PPA2: variants seen among roughly 807,000 people sequenced by gnomAD.
PPA2 encodes the protein inorganic pyrophosphatase 2.
In PPA2, 48 loss-of-function variants were observed where a neutral mutation model predicts 49.5. That is an observed-to-expected ratio of 0.97 (90% CI 0.77 to 1.23). The LOEUF (loss-of-function observed/expected upper bound fraction) is 1.23. Among genes scored for constraint, PPA2 ranks in the 50% most tolerant of loss-of-function variants. The pLI, the probability that PPA2 is intolerant of heterozygous loss-of-function variation, is 0.00. For synonymous variants in PPA2, 131 were observed against 139.9 expected, an observed-to-expected ratio of 0.94 and a Z score of 0.45; for missense variants, 429 against 410.1, an observed-to-expected ratio of 1.05 and a Z score of -0.40.
At chr4:105,379,014 A>T (rs1317833878) in intron 10 of PPA2, among the ~76,000 whole-genome samples, 1 of 152,096 alleles carries the variant, frequency 6.6e-6, no homozygotes, top group African/African-American at 2.4e-5. Flanking sequence ...TCAGCTTGTT[A>T]ATTTCTACAA....
intron 7 of PPA2, among the ~76,000 whole-genome samples, chr4:105,411,765 C>CA (rs1307989737): frequency 2.6e-5 from 4 of 152,152 alleles, no homozygotes; most frequent in Middle Eastern, 3.2e-3. Context: ...AATCAATGTG[C>CA]AAAAATCATG....
At chr4:105,471,608 A>G (rs1723526325) in intron 1 of PPA2, among the ~76,000 whole-genome samples, 1 of 152,208 alleles carries the variant, frequency 6.6e-6, no homozygotes, top group South Asian at 2.1e-4. Context: ...CTAGTACTGC[A>G]TACAGACACA....
Position 105,447,538 on chromosome 4 carries a change from C to CA in PPA2, c.322-1037dup, listed in dbSNP as rs536110705. On this transcript the variant is annotated intron_variant, in intron 4 of 11. Transcript: ENST00000341695. ...GAGTAAATTTCAAATGTTCTCACCACAAAAAATGGTAAGTATTTGATGTGA... is the reference window on the plus strand; with the variant it reads ...GAGTAAATTTCAAATGTTCTCACCACAAAAAAATGGTAAGTATTTGATGTGA... Among the ~76,000 whole-genome samples the CA allele has an allele frequency of 2.6e-4, 39 of 152,024 alleles. 1 individual carries two copies. The South Asian group carries it at 7.1e-3, about 27-fold the overall frequency.
intron 4 of PPA2, among the ~76,000 whole-genome samples, chr4:105,447,492 C>G (rs147753329): frequency 1.3e-5 from 2 of 152,104 alleles, no homozygotes; most frequent in African/African-American, 4.8e-5. Flanking sequence ...TAGTTAATAA[C>G]GTACATTTCA....
chr4:105,399,048 A>T lies in PPA2; in HGVS notation c.772T>A (p.Phe258Ile). The change falls in exon 8 of 12, where the codon TTC (phenylalanine) becomes ATC (isoleucine). Residue 258 changes from phenylalanine to isoleucine, a missense_variant. Phe to Ile is a conservative substitution (Grantham distance 21). Transcript: ENST00000341695. The part of the protein sequence containing the change: ...PENQFAFNGE[F>I]KNKAFALEVI... Reference sequence around the variant, plus strand: ...ATTCTCATCTTCACCTTGTTTTTGAATTCTCCATTAAAAGCAAACTGGTTT... The same window carrying T: ...ATTCTCATCTTCACCTTGTTTTTGATTTCTCCATTAAAAGCAAACTGGTTT... 6.2e-7 allele frequency: 1 copy of T among 1,608,644 alleles called. No individual in the cohort carries two copies. Among genetic ancestry groups the T allele is most frequent in the Admixed American group, 1.7e-5 (1 of 59,056 alleles).
intron 1 of PPA2, among the ~76,000 whole-genome samples, chr4:105,457,217 C>T (rs1002305634): frequency 1.3e-5 from 2 of 152,092 alleles, no homozygotes; most frequent in Non-Finnish European, 2.9e-5. Flanking sequence ...ATATTGTTTC[C>T]ATTCAATGTG....
At chr4:105,424,359 T>C (rs1723392784) in intron 6 of PPA2, 37 bp from the exon 7 acceptor site, 3 of 1,543,820 alleles carry the variant, frequency 1.9e-6, no homozygotes, top group Admixed American at 4.4e-5. Context: ...TTGCAAGGCT[T>C]TGGAGAGTTT....
chr4:105,431,664 T>C (rs1723805808), intron 6 of PPA2, among the ~76,000 whole-genome samples: 1 of 152,142 alleles, frequency 6.6e-6, no homozygotes, highest in African/African-American at 2.4e-5. Flanking sequence ...AATAGCCAAG[T>C]GGTAGAAACA....
intron 10 of PPA2, among the ~76,000 whole-genome samples, chr4:105,382,828 C>G (rs7678439): frequency 0.12 from 18,484 of 151,824 alleles, 1,179 homozygotes; most frequent in African/African-American, 0.15. Flanking sequence ...GCAAAACTCC[C>G]ACTCTACCAA....
In PPA2 at chr4:105,446,640, G is replaced by C. The variant is rs11097890; in HGVS notation, c.322-138C>G. The stretch of plus-strand genomic sequence containing the variant: ...CTTAATGATCAAAGATGCTTTAAAA[G>C]AAATTAAGCCAGCTCTTATTACTAA... On this transcript the variant is annotated intron_variant, in intron 4 of 11. Coordinates refer to ENST00000341695, the MANE Select transcript of PPA2 (RefSeq NM_176869.3). The C allele has an allele frequency of 4.6e-6, 5 of 1,087,068 alleles. No individual in the cohort carries two copies. In the East Asian group the frequency reaches 1.4e-4, roughly 30 times the overall value. 67.3% of individuals were successfully genotyped at this position (1,087,068 alleles called of 1,614,324 possible).
intron 7 of PPA2, among the ~76,000 whole-genome samples, chr4:105,401,501 AC>A (rs1362097355): frequency 6.6e-6 from 1 of 152,184 alleles, no homozygotes; most frequent in Non-Finnish European, 1.5e-5. Flanking sequence ...TAATTCAGTG[AC>A]ATTAAGTATG....
chr4:105,433,350 G>T (rs892652553), intron 6 of PPA2, among the ~76,000 whole-genome samples: 1 of 152,046 alleles, frequency 6.6e-6, no homozygotes, highest in African/African-American at 2.4e-5. Context: ...TTTCTTAATA[G>T]AAAGAGAAGT....
chr4:105,428,680 G>A (rs1046134876), intron 6 of PPA2, among the ~76,000 whole-genome samples: 4 of 150,914 alleles, frequency 2.7e-5, no homozygotes, highest in East Asian at 1.9e-4. Context: ...GGGGTGGGGG[G>A]CTAGGGGAGG....
intron 7 of PPA2, among the ~76,000 whole-genome samples, chr4:105,414,333 G>T (rs2726471): frequency 0.33 from 49,886 of 152,132 alleles, 8,892 homozygotes; most frequent in East Asian, 0.67. Flanking sequence ...TTTTCCAGCT[G>T]GAAACCTCTG....
At chr4:105,404,257 T>G (rs1353489305) in intron 7 of PPA2, among the ~76,000 whole-genome samples, 2 of 151,870 alleles carry the variant, frequency 1.3e-5, no homozygotes, top group African/African-American at 4.8e-5. Context: ...TACAATATAA[T>G]AAATTTAAAG....
At chr4:105,381,527 T>C (rs2726495) in intron 10 of PPA2, among the ~76,000 whole-genome samples, 59,510 of 151,932 alleles carry the variant, frequency 0.39, 13,127 homozygotes, top group East Asian at 0.68. Context: ...ATGGGAAAAA[T>C]TGCCATCTTC....
Position 105,410,306 on chromosome 4 carries a change from G to T in PPA2, c.656-11142C>A, listed in dbSNP as rs578108321. On this transcript the variant is annotated intron_variant, in intron 7 of 11. Transcript: ENST00000341695. Reference sequence around the variant, plus strand: ...AGCTGATTTGATGAAGTGGAAGAAAGGATATCAGTGACTGAAGATCAAATT... The same window carrying T: ...AGCTGATTTGATGAAGTGGAAGAAATGATATCAGTGACTGAAGATCAAATT... Among the ~76,000 whole-genome samples, 64 of 152,280 alleles carry T rather than the reference G, an allele frequency of 4.2e-4. 1 individual carries two copies. In the South Asian group the frequency reaches 0.012, roughly 30 times the overall value.
intron 1 of PPA2, among the ~76,000 whole-genome samples, chr4:105,469,261 C>A (rs776392905): frequency 1.3e-5 from 2 of 152,002 alleles, no homozygotes; most frequent in Non-Finnish European, 2.9e-5. Flanking sequence ...CTCTATCAGG[C>A]CCATCAATCT....
chr4:105,373,176 A>C (rs887166390), intron 10 of PPA2, among the ~76,000 whole-genome samples: 31 of 152,260 alleles, frequency 2.0e-4, no homozygotes, highest in African/African-American at 7.5e-4. Context: ...TAGTTTTTCC[A>C]AGTACTTCAA....
Sources: allele counts gnomAD v4.1 joint callset (sites outside exome capture counted in the v4.1 genomes callset), GRCh38; gene constraint gnomAD v4.1.1; transcripts MANE v1.5; gene names NCBI Gene and HGNC (gene_info 2026-07-23, HGNC 2026-07-21).